FHIP1A: variants seen among roughly 807,000 people sequenced by gnomAD.
FHIP1A encodes the protein FHF complex subunit HOOK-interacting protein 1A.
FHIP1A carries 61 observed loss-of-function variants against 88.6 expected under a neutral mutation model. That is an observed-to-expected ratio of 0.69 (90% CI 0.56 to 0.85). The LOEUF is 0.85. FHIP1A is among the 40% of genes least tolerant of loss of function. The probability of loss-of-function intolerance (pLI) is 0.00; values close to 1 mark genes in which losing one functional copy is unlikely to be tolerated. For synonymous variants in FHIP1A, 478 were observed against 496.0 expected (o/e 0.96, Z 0.48); for missense variants, 1,154 against 1,273.5 (o/e 0.91, Z 1.43).
At chr4:151,480,759 T>G (rs1188213690) in intron 2 of FHIP1A, among the ~76,000 whole-genome samples, 1 of 152,034 alleles carries the variant, frequency 6.6e-6, no homozygotes, top group Non-Finnish European at 1.5e-5. Context: ...CTTTTCATAC[T>G]CCACTCTTCT....
intron 3 of FHIP1A, among the ~76,000 whole-genome samples, chr4:151,548,490 G>A (rs1029892250): frequency 1.1e-4 from 17 of 152,192 alleles, no homozygotes; most frequent in Non-Finnish European, 1.5e-5. Context: ...AAAACAGGTT[G>A]CAGTGAAAAA....
chr4:151,510,160 A>G (rs762363482), intron 3 of FHIP1A, among the ~76,000 whole-genome samples: 3 of 151,606 alleles, frequency 2.0e-5, no homozygotes, highest in Non-Finnish European at 4.4e-5. Flanking sequence ...GCTGGAGTGC[A>G]GTGGTGCAGT....
chr4:151,634,754 A>G (rs1489779285), intron 8 of FHIP1A, among the ~76,000 whole-genome samples: 2 of 151,930 alleles, frequency 1.3e-5, no homozygotes, highest in Non-Finnish European at 2.9e-5. Context: ...AAATTAACTC[A>G]AAATGTATCA....
chr4:151,627,547 A>G (rs1189323843), intron 7 of FHIP1A, among the ~76,000 whole-genome samples: 1 of 152,240 alleles, frequency 6.6e-6, no homozygotes, highest in Non-Finnish European at 1.5e-5. Flanking sequence ...CCTGTTTGGA[A>G]TGATTATGCA....
In FHIP1A at chr4:151,592,937, G is replaced by A. The variant is rs113673171; in HGVS notation, c.978+4011G>A. 3.1e-3 allele frequency among the ~76,000 whole-genome samples: 475 copies of A among 152,264 alleles called. 2 individuals are homozygous for A. Among genetic ancestry groups the A allele is most frequent in the African/African-American group, 0.011 (458 of 41,544 alleles). ...TTTAATCCATCGTGAATTAATTTTTGTATAAGGTGTAAGGAAGGGGTCCAG... is the reference window on the plus strand; with the variant it reads ...TTTAATCCATCGTGAATTAATTTTTATATAAGGTGTAAGGAAGGGGTCCAG... On this transcript the variant is annotated intron_variant, in intron 7 of 13. Transcript: ENST00000435205.
intron 3 of FHIP1A, among the ~76,000 whole-genome samples, chr4:151,499,990 T>C (rs1415508259): frequency 6.6e-6 from 1 of 152,220 alleles, no homozygotes; most frequent in Admixed American, 6.5e-5. Context: ...ACATAGATTC[T>C]ACTTTTTTCT....
intron 11 of FHIP1A, among the ~76,000 whole-genome samples, chr4:151,655,606 T>C (rs975834963): frequency 6.6e-6 from 1 of 152,224 alleles, no homozygotes; most frequent in Non-Finnish European, 1.5e-5. Flanking sequence ...ACTAAGATTA[T>C]AAGCAGGGGC....
chr4:151,513,766 A>T (rs1387965606), intron 3 of FHIP1A, among the ~76,000 whole-genome samples: 2 of 151,846 alleles, frequency 1.3e-5, no homozygotes, highest in Non-Finnish European at 1.5e-5. Context: ...TCCTAAATAT[A>T]TATGCACCCA....
chr4:151,616,428 A>ATGTCTTTC (rs199741270), intron 7 of FHIP1A, among the ~76,000 whole-genome samples: 8 of 140,390 alleles, frequency 5.7e-5, no homozygotes, highest in East Asian at 2.1e-4. Context: ...AGAGACAAAT[A>ATGTCTTTC]TATCTTTCTT....
intron 3 of FHIP1A, among the ~76,000 whole-genome samples, chr4:151,502,168 A>AG (rs1730675511): frequency 6.6e-6 from 1 of 150,668 alleles, no homozygotes; most frequent in East Asian, 1.9e-4. Context: ...AAAAAAAAAA[A>AG]AAAAAGAAAA....
chr4:151,430,885 A>G (rs571470407), intron 1 of FHIP1A, among the ~76,000 whole-genome samples: 3 of 152,334 alleles, frequency 2.0e-5, no homozygotes, highest in South Asian at 2.1e-4. Flanking sequence ...CAAAAGTTCT[A>G]TTGACCTTTT....
At chr4:151,480,809 A>G (rs1441039191) in intron 2 of FHIP1A, among the ~76,000 whole-genome samples, 3 of 151,882 alleles carry the variant, frequency 2.0e-5, no homozygotes, top group Non-Finnish European at 4.4e-5. Flanking sequence ...AGTTTTGAAG[A>G]TTTAGGTCAC....
At chr4:151,413,731 A>G (rs1241221588) in intron 1 of FHIP1A, among the ~76,000 whole-genome samples, 2 of 152,160 alleles carry the variant, frequency 1.3e-5, no homozygotes, top group Non-Finnish European at 2.9e-5. Context: ...CTGGGATTAC[A>G]GACATGAGCC....
intron 7 of FHIP1A, among the ~76,000 whole-genome samples, chr4:151,592,714 C>T (rs938939181): frequency 2.0e-5 from 3 of 152,144 alleles, no homozygotes; most frequent in Non-Finnish European, 2.9e-5. Flanking sequence ...CTGTAGGTTG[C>T]GTGTTCACTC....
intron 2 of FHIP1A, among the ~76,000 whole-genome samples, chr4:151,458,302 A>G (rs983636714): frequency 2.0e-5 from 3 of 152,126 alleles, no homozygotes; most frequent in East Asian, 1.9e-4. Context: ...GTTGGCACCA[A>G]CCAGTTTTGT....
At chr4:151,592,402 G>A (rs529641808) in intron 7 of FHIP1A, among the ~76,000 whole-genome samples, 1 of 152,152 alleles carries the variant, frequency 6.6e-6, no homozygotes, top group Non-Finnish European at 1.5e-5. Context: ...CCAAAGTGCT[G>A]AGATTACAGG....
chr4:151,444,397 A>G (rs868560522), intron 1 of FHIP1A, among the ~76,000 whole-genome samples: 13 of 152,330 alleles, frequency 8.5e-5, no homozygotes, highest in Middle Eastern at 3.4e-3. Flanking sequence ...AAGTACATGT[A>G]TAATTTAAAG....
rs181967624 is a variant in FHIP1A at position 151,655,541 on chromosome 4, C to T, written c.2552-691C>T. On this transcript the variant is annotated intron_variant, in intron 11 of 13. Coordinates refer to ENST00000435205, the MANE Select transcript of FHIP1A (RefSeq NM_001109977.3). Reference sequence around the variant, plus strand: ...GCCGAACTGTATCTCCCAAAACTGACACCCTTTTCTCTCTCCTCTGAAAAT... The same window carrying T: ...GCCGAACTGTATCTCCCAAAACTGATACCCTTTTCTCTCTCCTCTGAAAAT... Among the ~76,000 whole-genome samples the T allele has an allele frequency of 5.5e-3, 838 of 152,284 alleles. 3 individuals are homozygous for T. Among genetic ancestry groups the T allele is most frequent in the Middle Eastern group, 0.017 (5 of 294 alleles).
chr4:151,445,060 T>A (rs965997790), intron 1 of FHIP1A, among the ~76,000 whole-genome samples: 1 of 152,102 alleles, frequency 6.6e-6, no homozygotes, highest in Non-Finnish European at 1.5e-5. Context: ...GGTCCCCAGG[T>A]TTCCTACAAC....
Sources: allele counts gnomAD v4.1 joint callset (sites outside exome capture counted in the v4.1 genomes callset), GRCh38; gene constraint gnomAD v4.1.1; transcripts MANE v1.5; gene names NCBI Gene and HGNC (gene_info 2026-07-23, HGNC 2026-07-21).